The following WDPCP variants were observed in gnomAD, a reference collection of about 807,000 sequenced individuals.
The protein encoded by WDPCP is WD repeat-containing and planar cell polarity effector protein fritz homolog.
WDPCP carries 71 observed loss-of-function variants against 93.1 expected under a neutral mutation model. The observed-to-expected ratio is 0.76, with a 90% CI of 0.63 to 0.93. The LOEUF (loss-of-function observed/expected upper bound fraction) is 0.93. Among genes scored for constraint, WDPCP ranks in the 40% least tolerant of loss-of-function variants. The pLI, the probability that WDPCP is intolerant of heterozygous loss-of-function variation, is 0.00. For synonymous variants in WDPCP, 315 were observed against 315.0 expected (o/e 1.00, Z 0.00); for missense variants, 844 against 887.4 (o/e 0.95, Z 0.62).
intron 14 of WDPCP, among the ~76,000 whole-genome samples, chr2:63,207,294 C>T (rs987618596): frequency 6.6e-6 from 1 of 152,102 alleles, no homozygotes; most frequent in Non-Finnish European, 1.5e-5. Flanking sequence ...AGTGAGTTCT[C>T]ACAAGATTTG....
chr2:63,814,573 G>A (rs1413653093), intron 1 of WDPCP, among the ~76,000 whole-genome samples: 1 of 152,180 alleles, frequency 6.6e-6, no homozygotes, highest in Non-Finnish European at 1.5e-5. Flanking sequence ...AGATCTGTTA[G>A]TCTGTTATTC....
intron 6 of WDPCP, among the ~76,000 whole-genome samples, chr2:63,451,907 ACT>A (rs1341712428): frequency 6.6e-6 from 1 of 152,070 alleles, no homozygotes; most frequent in Non-Finnish European, 1.5e-5. Context: ...CATGCTAAAA[ACT>A]CTCAATAAAT....
chr2:63,499,078 T>C (rs1316772191), intron 1 of WDPCP, among the ~76,000 whole-genome samples: 1 of 152,208 alleles, frequency 6.6e-6, no homozygotes. Context: ...CAAAGTTTTA[T>C]AGAATGGGCC....
At chr2:63,177,267 C>G (rs958931685) in intron 14 of WDPCP, among the ~76,000 whole-genome samples, 2 of 152,086 alleles carry the variant, frequency 1.3e-5, no homozygotes, top group Non-Finnish European at 2.9e-5. Context: ...ATGGATTTTT[C>G]TATATTTCCA....
At chr2:63,346,984 C>G (rs771725634) in intron 12 of WDPCP, among the ~76,000 whole-genome samples, 31 of 152,084 alleles carry the variant, frequency 2.0e-4, no homozygotes, top group Non-Finnish European at 3.8e-4. Context: ...TTGTCTATGG[C>G]AAGAGGGTCA....
intron 14 of WDPCP, among the ~76,000 whole-genome samples, chr2:63,212,115 A>G (rs545519092): frequency 1.3e-5 from 2 of 152,306 alleles, no homozygotes; most frequent in African/African-American, 4.8e-5. Context: ...GGAAATACAG[A>G]GAACGCCACA....
chr2:63,541,744 C>T (rs1704747653), intron 1 of WDPCP, among the ~76,000 whole-genome samples: 1 of 152,110 alleles, frequency 6.6e-6, no homozygotes, highest in African/African-American at 2.4e-5. Flanking sequence ...AATAAGACCA[C>T]AGACCAACCT....
At chr2:63,537,440 T>G (rs1158355747) in intron 1 of WDPCP, among the ~76,000 whole-genome samples, 1 of 152,190 alleles carries the variant, frequency 6.6e-6, no homozygotes, top group African/African-American at 2.4e-5. Flanking sequence ...CTGAAAAGCC[T>G]TAATGACTAC....
At chr2:63,349,660 G>T (rs1558503458) in intron 12 of WDPCP, among the ~76,000 whole-genome samples, 1 of 152,104 alleles carries the variant, frequency 6.6e-6, no homozygotes, top group Non-Finnish European at 1.5e-5. Flanking sequence ...TATAAAAAAG[G>T]TATATAAATC....
At chr2:63,163,295 C>T (rs1672752424) in intron 15 of WDPCP, among the ~76,000 whole-genome samples, 1 of 152,134 alleles carries the variant, frequency 6.6e-6, no homozygotes, top group Non-Finnish European at 1.5e-5. Context: ...TATACCCTTT[C>T]ATTTTTATGT....
intron 14 of WDPCP, among the ~76,000 whole-genome samples, chr2:63,215,977 C>T (rs1326067031): frequency 6.6e-6 from 1 of 152,184 alleles, no homozygotes; most frequent in Non-Finnish European, 1.5e-5. Context: ...CACTGGCCAT[C>T]AGAGAAATGC....
chr2:63,392,013 T>C (rs1264719215), intron 10 of WDPCP, among the ~76,000 whole-genome samples: 1 of 152,206 alleles, frequency 6.6e-6, no homozygotes, highest in Non-Finnish European at 1.5e-5. Context: ...AATGACTTTC[T>C]TCACAGAATT....
At chr2:63,514,783 T>C (rs768798414) in intron 1 of WDPCP, among the ~76,000 whole-genome samples, 7 of 152,074 alleles carry the variant, frequency 4.6e-5, no homozygotes, top group Non-Finnish European at 7.4e-5. Context: ...CAGATGTGGA[T>C]AGAGAGAGAG....
chr2:63,483,031 G>C (rs905403652), intron 6 of WDPCP, among the ~76,000 whole-genome samples: 2 of 151,814 alleles, frequency 1.3e-5, no homozygotes, highest in African/African-American at 4.8e-5. Flanking sequence ...CCCTTCGTCA[G>C]ACACACACAC....
At chr2:63,129,369 G>A (rs1670140261) in intron 17 of WDPCP, among the ~76,000 whole-genome samples, 1 of 152,134 alleles carries the variant, frequency 6.6e-6, no homozygotes, top group Non-Finnish European at 1.5e-5. Context: ...TTTCCACAGG[G>A]GCAACACCAT....
intron 2 of WDPCP, among the ~76,000 whole-genome samples, chr2:63,714,384 G>GAAAAT (rs1669305321): frequency 6.6e-6 from 1 of 151,950 alleles, no homozygotes; most frequent in Non-Finnish European, 1.5e-5. Flanking sequence ...TTATTCTTCA[G>GAAAAT]AAAATCCTCC....
At chr2:63,247,697 A>C (rs1680397115) in intron 14 of WDPCP, among the ~76,000 whole-genome samples, 1 of 151,120 alleles carries the variant, frequency 6.6e-6, no homozygotes. Context: ...AAACACCACC[A>C]AACAAACCCC....
intron 6 of WDPCP, chr2:63,442,442 G>C (rs56158026): frequency 6.6e-6 from 1 of 152,270 alleles, no homozygotes; most frequent in Non-Finnish European, 1.5e-5. Context: ...TCCAGGCATA[G>C]ATTAGTTATC....
At position 63,291,994 on chromosome 2, in the gene WDPCP, G is replaced by A. The variant is rs182556388; in HGVS notation, c.1812+21254C>T. 5.8e-3 allele frequency among the ~76,000 whole-genome samples: 875 copies of A among 151,154 alleles called. 10 individuals carry two copies. The highest frequency in any genetic ancestry group is 0.02 in the African/African-American group (825 of 41,320). On this transcript the variant is annotated intron_variant, in intron 13 of 17. Coordinates refer to ENST00000272321, the MANE Select transcript of WDPCP (RefSeq NM_015910.7). ...TAAAAATACAAAAAATTAGCCGGGC[G>A]CGGTGGCGGGCGCCTGTAGTCCCAG...
Sources: gnomAD v4.1 joint callset for allele counts (sites outside exome capture counted in the v4.1 genomes callset) on GRCh38, gnomAD v4.1.1 for gene constraint, MANE v1.5 for transcripts, NCBI Gene and HGNC (gene_info 2026-07-23, HGNC 2026-07-21) for gene names.